TAS2R43: variants seen among roughly 807,000 people sequenced by gnomAD.
The protein encoded by TAS2R43 is taste 2 receptor member 43, also known as taste receptor type 2 member 43.
For synonymous variants in TAS2R43, 76 were observed against 117.4 expected, an observed-to-expected ratio of 0.65 and a Z score of 2.28; for missense variants, 246 against 348.2, an observed-to-expected ratio of 0.71 and a Z score of 2.34.
chr12:11,092,034 A>T lies in TAS2R43; in HGVS notation c.196T>A (p.Trp66Arg), dbSNP rs760586402. The change falls in exon 1 of 1, where the codon TGG (tryptophan) becomes AGG (arginine). Residue 66 changes from tryptophan (W) to arginine (R), a missense_variant. Coordinates refer to ENST00000531678, the MANE Select transcript of TAS2R43 (RefSeq NM_176884.2). The stretch of plus-strand genomic sequence containing the variant: ...GCTGGATTCAACACAGTTGAATACC[A>T]GTTTAATAATAATACCCAGAGCAAA... ...VGLLWVLLLN[W>R]YSTVLNPAFN... 8.7e-6 allele frequency: 13 copies of T among 1,487,998 alleles called. No homozygotes were observed. In the East Asian group the frequency reaches 1.4e-4, roughly 16 times the overall value. 92.2% of individuals were successfully genotyped at this position (1,487,998 alleles called of 1,614,324 possible).
At position 11,091,871 on chromosome 12, in the gene TAS2R43, T is replaced by C. The variant is rs201460452; in HGVS notation, c.359A>G (p.His120Arg). Residue 120 changes from histidine to arginine, a missense_variant, in exon 1 of 1, where the codon CAC becomes CGC. Coordinates refer to ENST00000531678, the MANE Select transcript of TAS2R43 (RefSeq NM_176884.2). ...GACACTCTTAACTCTCCTCTTTAAG[T>C]GAAGAAAAATAAAGTTGGAGAAATT... Reference protein sequence around the residue: ...IANFSNFIFLHLKRRVKSVIL... With the variant: ...IANFSNFIFLRLKRRVKSVIL... The C allele has an allele frequency of 0.17, 145,821 of 871,244 alleles. 47,294 individuals are homozygous for C. The highest frequency in any genetic ancestry group is 0.24 in the Admixed American group (7,571 of 31,016). The allele number at this position is 871,244 out of a possible 1,614,324, so 54.0% of individuals were successfully genotyped here.
At position 11,091,869 on chromosome 12, in the gene TAS2R43, A is replaced by G. The variant is rs1407340110; in HGVS notation, c.361T>C (p.Leu121=). The G allele has an allele frequency of 2.3e-6, 3 of 1,329,014 alleles. No homozygotes were observed. The East Asian group carries it at 6.8e-5, about 30-fold the overall frequency. 82.3% of individuals were successfully genotyped at this position (1,329,014 alleles called of 1,614,324 possible). Reference sequence around the variant, plus strand: ...ATGACACTCTTAACTCTCCTCTTTAAGTGAAGAAAAATAAAGTTGGAGAAA... The same window carrying G: ...ATGACACTCTTAACTCTCCTCTTTAGGTGAAGAAAAATAAAGTTGGAGAAA... ...ANFSNFIFLH[L]KRRVKSVILV... Residue 121 remains leucine (L), a synonymous_variant, in exon 1 of 1, where the codon TTA becomes CTA. Transcript: ENST00000531678.
At position 11,091,447 on chromosome 12, in the gene TAS2R43, G is replaced by A. The variant is rs534009796; in HGVS notation, c.783C>T (p.Phe261=). ...TGAATCTAATAGCTTTGCAGAACAT[G>A]AAGACAGGTTTGTTTTCCAGACTTC... is the stretch of plus-strand genomic sequence containing the variant. ...SFGSLENKPV[F]MFCKAIRFSY... The change falls in exon 1 of 1, where the codon TTC becomes TTT. Residue 261 remains phenylalanine, a synonymous_variant. Coordinates refer to ENST00000531678, the MANE Select transcript of TAS2R43 (RefSeq NM_176884.2). 2.4e-6 allele frequency: 3 copies of A among 1,261,716 alleles called. No homozygotes were observed. Among genetic ancestry groups the A allele is most frequent in the Non-Finnish European group, 3.4e-6 (3 of 888,322 alleles). 78.2% of individuals were successfully genotyped at this position (1,261,716 alleles called of 1,614,324 possible). A position where few individuals can be genotyped will look rare whatever the true frequency, so the allele number is the denominator to read the frequency against.
In TAS2R43 at chr12:11,092,211, T is replaced by A. The variant is rs1228874934; in HGVS notation, c.19A>T (p.Ile7Phe). 6 of 1,298,756 alleles carry A rather than the reference T, an allele frequency of 4.6e-6. No homozygotes were observed. In the East Asian group the frequency reaches 1.4e-4, roughly 30 times the overall value. The allele number at this position is 1,298,756 out of a possible 1,614,324, so 80.5% of individuals were successfully genotyped here. A position where few individuals can be genotyped will look rare whatever the true frequency, so the allele number is the denominator to read the frequency against. Reference protein sequence around the residue: MITFLPIIFSSLVVVTF... With the variant: MITFLPFIFSSLVVVTF... ...ACCACTACCAGACTGGAAAAAATGA[T>A]GGGTAGAAAAGTTATCATGTCTGAA... Residue 7 changes from isoleucine (I) to phenylalanine (F), a missense_variant, in exon 1 of 1, where the codon ATC (isoleucine) becomes TTC (phenylalanine). Ile to Phe is a conservative substitution (Grantham distance 21). Coordinates refer to ENST00000531678, the MANE Select transcript of TAS2R43 (RefSeq NM_176884.2).
At position 11,092,031 on chromosome 12, in the gene TAS2R43, A is replaced by G; in HGVS notation, c.199T>C (p.Tyr67His). The change falls in exon 1 of 1, where the codon TAT (tyrosine) becomes CAT (histidine). Residue 67 changes from tyrosine to histidine, a missense_variant. Physicochemically the swap from Tyr to His is moderately conservative, Grantham distance 83. Coordinates refer to ENST00000531678, the MANE Select transcript of TAS2R43 (RefSeq NM_176884.2). Reference protein sequence around the residue: ...GLLWVLLLNWYSTVLNPAFNS... With the variant: ...GLLWVLLLNWHSTVLNPAFNS... ...AAAGCTGGATTCAACACAGTTGAAT[A>G]CCAGTTTAATAATAATACCCAGAGC... 1 of 1,487,268 alleles carries G rather than the reference A, an allele frequency of 6.7e-7. No homozygotes were observed. Among genetic ancestry groups the G allele is most frequent in the Non-Finnish European group, 9.3e-7 (1 of 1,080,934 alleles). 92.1% of individuals were successfully genotyped at this position (1,487,268 alleles called of 1,614,324 possible). A position where few individuals can be genotyped will look rare whatever the true frequency, so the allele number is the denominator to read the frequency against.
rs200508900 is a variant in TAS2R43 at position 11,091,294 on chromosome 12, G to A, written c.*6C>T. 7.2e-6 allele frequency: 7 copies of A among 977,138 alleles called. 2 individuals are homozygous for A. Among genetic ancestry groups the A allele is most frequent in the African/African-American group, 3.8e-5 (2 of 53,284 alleles). 60.5% of individuals were successfully genotyped at this position (977,138 alleles called of 1,614,324 possible). On this transcript the variant is annotated 3_prime_UTR_variant, in exon 1 of 1. Coordinates refer to ENST00000531678, the MANE Select transcript of TAS2R43 (RefSeq NM_176884.2). ...CTAGAAGATACACAATGCCCCTCTCGTGAATCTATGGAGATGAAGTCTTCT... is the reference window on the plus strand; with the variant it reads ...CTAGAAGATACACAATGCCCCTCTCATGAATCTATGGAGATGAAGTCTTCT...
In TAS2R43 at chr12:11,091,492, C is replaced by T. The variant is rs199768488; in HGVS notation, c.738G>A (p.Met246Ile). The change falls in exon 1 of 1, where the codon ATG becomes ATA. Residue 246 changes from methionine to isoleucine, a missense_variant. By Grantham distance (10) the Met-to-Ile change is conservative (BLOSUM62 1). Transcript: ENST00000531678. Reference protein sequence around the residue: ...LLCAIYFLSIMISVWSFGSLE... With the variant: ...LLCAIYFLSIIISVWSFGSLE... ...GACTTCCAAAACTCCAAACTGATAT[C>T]ATTATGGACAGAAAGTAAATGGCAC... 206,982 of 911,158 alleles carry T rather than the reference C, an allele frequency of 0.23. 62,292 individuals carry two copies. Among genetic ancestry groups the T allele is most frequent in the Admixed American group, 0.32 (11,380 of 35,520 alleles). The allele number at this position is 911,158 out of a possible 1,614,324, so 56.4% of individuals were successfully genotyped here. A position where few individuals can be genotyped will look rare whatever the true frequency, so the allele number is the denominator to read the frequency against.
Position 11,092,172 on chromosome 12 carries a change from C to T in TAS2R43, c.58G>A (p.Gly20Arg), listed in dbSNP as rs1178962398. Residue 20 changes from glycine to arginine, a missense_variant, in exon 1 of 1, where the codon GGA (glycine) becomes AGA (arginine). Physicochemically the swap from Gly to Arg is moderately radical, Grantham distance 125. Coordinates refer to ENST00000531678, the MANE Select transcript of TAS2R43 (RefSeq NM_176884.2). The stretch of plus-strand genomic sequence containing the variant: ...GCTATGAAGCCATTAGCAAAATTTC[C>T]AATAACAAATGTAACCACTACCAGA... The part of the protein sequence containing the change: ...SSLVVVTFVI[G>R]NFANGFIALV... The T allele has an allele frequency of 2.2e-6, 3 of 1,356,300 alleles. No homozygotes were observed. Among genetic ancestry groups the T allele is most frequent in the South Asian group, 2.3e-5 (2 of 88,232 alleles). 84.0% of individuals were successfully genotyped at this position (1,356,300 alleles called of 1,614,324 possible). A position where few individuals can be genotyped will look rare whatever the true frequency, so the allele number is the denominator to read the frequency against.
At position 11,092,022 on chromosome 12, in the gene TAS2R43, C is replaced by G. The variant is rs202243775; in HGVS notation, c.208G>C (p.Val70Leu). The G allele has an allele frequency of 5.3e-5, 79 of 1,483,660 alleles. 1 individual carries two copies. The highest frequency in any genetic ancestry group is 6.8e-5 in the Non-Finnish European group (73 of 1,078,796). The allele number at this position is 1,483,660 out of a possible 1,614,324, so 91.9% of individuals were successfully genotyped here. Residue 70 changes from valine (V) to leucine (L), a missense_variant, in exon 1 of 1, where the codon GTG (valine) becomes CTG (leucine). Transcript: ENST00000531678. ...WVLLLNWYSTVLNPAFNSVEV... is the reference protein window; with the variant it reads ...WVLLLNWYSTLLNPAFNSVEV... ...ACACTATTAAAAGCTGGATTCAACA[C>G]AGTTGAATACCAGTTTAATAATAAT...
Position 11,091,779 on chromosome 12 carries a change from C to G in TAS2R43, c.451G>C (p.Glu151Gln), listed in dbSNP as rs201455884. The change falls in exon 1 of 1, where the codon GAG becomes CAG. Residue 151 changes from glutamate to glutamine, a missense_variant. Glu to Gln is a conservative substitution (Grantham distance 29, BLOSUM62 2). Coordinates refer to ENST00000531678, the MANE Select transcript of TAS2R43 (RefSeq NM_176884.2). ...TCAAATTCTTTTGTCCGCACAATCT[C>G]ATTCATGTTTATCACAAAAAGATGA... Reference protein sequence around the residue: ...ACHLFVINMNEIVRTKEFEGN... With the variant: ...ACHLFVINMNQIVRTKEFEGN... The G allele has an allele frequency of 0.34, 256,858 of 764,922 alleles. 77,988 individuals carry two copies. Among genetic ancestry groups the G allele is most frequent in the Admixed American group, 0.45 (13,471 of 30,018 alleles). 47.4% of individuals were successfully genotyped at this position (764,922 alleles called of 1,614,324 possible).
Position 11,091,556 on chromosome 12 carries a change from A to T in TAS2R43, c.674T>A (p.Ile225Lys). 7.0e-7 allele frequency: 1 copy of T among 1,435,984 alleles called. No individual in the cohort carries two copies. Among genetic ancestry groups the T allele is most frequent in the Non-Finnish European group, 9.7e-7 (1 of 1,028,424 alleles). 89.0% of individuals were successfully genotyped at this position (1,435,984 alleles called of 1,614,324 possible). The change falls in exon 1 of 1, where the codon ATA becomes AAA. Residue 225 changes from isoleucine to lysine, a missense_variant. By Grantham distance (102) the Ile-to-Lys change is moderately radical (BLOSUM62 -3). Coordinates refer to ENST00000531678, the MANE Select transcript of TAS2R43 (RefSeq NM_176884.2). ...GSQDPSTKVH[I>K]KALQTVISFL... Reference sequence around the variant, plus strand: ...GGAGATCACAGTTTGCAAAGCTTTTATGTGGACCTTGGTGCTGGGATCTTG... The same window carrying T: ...GGAGATCACAGTTTGCAAAGCTTTTTTGTGGACCTTGGTGCTGGGATCTTG...
In TAS2R43 at chr12:11,092,109, T is replaced by C. The variant is rs1944934082; in HGVS notation, c.121A>G (p.Ile41Val). The C allele has an allele frequency of 6.5e-7, 1 of 1,534,612 alleles. No homozygotes were observed. Among genetic ancestry groups the C allele is most frequent in the Non-Finnish European group, 9.0e-7 (1 of 1,116,600 alleles). Residue 41 changes from isoleucine (I) to valine (V), a missense_variant, in exon 1 of 1, where the codon ATC (isoleucine) becomes GTC (valine). Physicochemically the swap from Ile to Val is conservative, Grantham distance 29 (BLOSUM62 3). Transcript: ENST00000531678. The part of the protein sequence containing the change: ...NSIEWFKRQK[I>V]SFADQILTAL... The stretch of plus-strand genomic sequence containing the variant: ...GTGAGAATTTGGTCAGCAAAGGAGA[T>C]CTTTTGTCTCTTGAACCACTCAATG...
chr12:11,091,759 T>A lies in TAS2R43; in HGVS notation c.471A>T (p.Glu157Asp), dbSNP rs1180825267. 3.2e-5 allele frequency: 43 copies of A among 1,343,772 alleles called. No individual in the cohort carries two copies. Among genetic ancestry groups the A allele is most frequent in the Non-Finnish European group, 4.4e-5 (42 of 944,628 alleles). 83.2% of individuals were successfully genotyped at this position (1,343,772 alleles called of 1,614,324 possible). A position where few individuals can be genotyped will look rare whatever the true frequency, so the allele number is the denominator to read the frequency against. Residue 157 changes from glutamate to aspartate, a missense_variant, in exon 1 of 1, where the codon GAA (glutamate) becomes GAT (aspartate). Physicochemically the swap from Glu to Asp is conservative, Grantham distance 45 (BLOSUM62 2). Transcript: ENST00000531678. ...TCTTCCAAGTCATGTTTCCTTCAAA[T>A]TCTTTTGTCCGCACAATCTCATTCA... Reference protein sequence around the residue: ...INMNEIVRTKEFEGNMTWKIK... With the variant: ...INMNEIVRTKDFEGNMTWKIK...
In TAS2R43 at chr12:11,091,900, A is replaced by C. The variant is rs371095380; in HGVS notation, c.330T>G (p.Ile110Met). The stretch of plus-strand genomic sequence containing the variant: ...GAAAAATAAAGTTGGAGAAATTGGC[A>C]ATCTTGAGCAAATAAAATATGCTGA... ...TTLSIFYLLKIANFSNFIFLH... is the reference protein window; with the variant it reads ...TTLSIFYLLKMANFSNFIFLH... The change falls in exon 1 of 1, where the codon ATT becomes ATG. Residue 110 changes from isoleucine (I) to methionine (M), a missense_variant. Coordinates refer to ENST00000531678, the MANE Select transcript of TAS2R43 (RefSeq NM_176884.2). 7.9e-6 allele frequency: 10 copies of C among 1,267,132 alleles called. 3 individuals carry two copies. The African/African-American group carries it at 1.2e-4, about 16-fold the overall frequency. 78.5% of individuals were successfully genotyped at this position (1,267,132 alleles called of 1,614,324 possible). A position where few individuals can be genotyped will look rare whatever the true frequency, so the allele number is the denominator to read the frequency against.
In TAS2R43 at chr12:11,091,962, C is replaced by T. The variant is rs773307005; in HGVS notation, c.268G>A (p.Val90Met). 8.8e-6 allele frequency: 11 copies of T among 1,245,086 alleles called. 2 individuals carry two copies. In the Middle Eastern group the frequency reaches 5.4e-4, roughly 61 times the overall value. 77.1% of individuals were successfully genotyped at this position (1,245,086 alleles called of 1,614,324 possible). ...AGCCAGTTGCTGAAATGGTTGATCA[C>T]TGCCCAGATATTATAAGCAGTAGTT... ...VRTTAYNIWA[V>M]INHFSNWLAT... The change falls in exon 1 of 1, where the codon GTG (valine) becomes ATG (methionine). Residue 90 changes from valine (V) to methionine (M), a missense_variant. Transcript: ENST00000531678.
rs142963148 is a variant in TAS2R43, at chr12:11,092,236, A to G, written c.-7T>C. 3.1e-6 allele frequency: 4 copies of G among 1,271,628 alleles called. 1 individual carries two copies. Among genetic ancestry groups the G allele is most frequent in the Middle Eastern group, 1.8e-4 (1 of 5,618 alleles). The allele number at this position is 1,271,628 out of a possible 1,614,324, so 78.8% of individuals were successfully genotyped here. A position where few individuals can be genotyped will look rare whatever the true frequency, so the allele number is the denominator to read the frequency against. ...TGGGTAGAAAAGTTATCATGTCTGA[A>G]CAGACAAAAAAAATTTTTTTAAATG... On this transcript the variant is annotated 5_prime_UTR_variant, in exon 1 of 1. Coordinates refer to ENST00000531678, the MANE Select transcript of TAS2R43 (RefSeq NM_176884.2).
At position 11,091,921 on chromosome 12, in the gene TAS2R43, G is replaced by A. The variant is rs1262558631; in HGVS notation, c.309C>T (p.Ser103=). The change falls in exon 1 of 1, where the codon AGC becomes AGT. Residue 103 remains serine, a synonymous_variant. Coordinates refer to ENST00000531678, the MANE Select transcript of TAS2R43 (RefSeq NM_176884.2). ...TGGCAATCTTGAGCAAATAAAATAT[G>A]CTGAGGGTAGTAGCAAGCCAGTTGC... The part of the protein sequence containing the change: ...HFSNWLATTL[S]IFYLLKIANF... 2 of 1,232,298 alleles carry A rather than the reference G, an allele frequency of 1.6e-6. No individual in the cohort carries two copies. The highest frequency in any genetic ancestry group is 1.6e-5 in the African/African-American group (1 of 64,322). The allele number at this position is 1,232,298 out of a possible 1,614,324, so 76.3% of individuals were successfully genotyped here. A position where few individuals can be genotyped will look rare whatever the true frequency, so the allele number is the denominator to read the frequency against.
chr12:11,092,264 GGTGTT>G lies in TAS2R43; in HGVS notation c.-40_-36del. The stretch of plus-strand genomic sequence containing the variant: ...GACAAAAAAAATTTTTTTAAATGCT[GGTGTT>G]GTGTCCGGAATTGGTTCCTGCAGGT... On this transcript the variant is annotated 5_prime_UTR_variant, in exon 1 of 1. Coordinates refer to ENST00000531678, the MANE Select transcript of TAS2R43 (RefSeq NM_176884.2). 1 of 1,220,042 alleles carries G rather than the reference GGTGTT, an allele frequency of 8.2e-7. No individual in the cohort carries two copies. Among genetic ancestry groups the G allele is most frequent in the Non-Finnish European group, 1.2e-6 (1 of 858,134 alleles). The allele number at this position is 1,220,042 out of a possible 1,614,324, so 75.6% of individuals were successfully genotyped here. A position where few individuals can be genotyped will look rare whatever the true frequency, so the allele number is the denominator to read the frequency against.
chr12:11,092,023 A>G lies in TAS2R43; in HGVS notation c.207T>C (p.Thr69=), dbSNP rs1360866716. 1 of 1,484,596 alleles carries G rather than the reference A, an allele frequency of 6.7e-7. No homozygotes were observed. The highest frequency in any genetic ancestry group is 9.3e-7 in the Non-Finnish European group (1 of 1,079,326). 92.0% of individuals were successfully genotyped at this position (1,484,596 alleles called of 1,614,324 possible). Residue 69 remains threonine, a synonymous_variant, in exon 1 of 1, where the codon ACT becomes ACC. Transcript: ENST00000531678. The part of the protein sequence containing the change: ...LWVLLLNWYS[T]VLNPAFNSVE... ...CACTATTAAAAGCTGGATTCAACAC[A>G]GTTGAATACCAGTTTAATAATAATA...
Sources: gnomAD v4.1 joint callset for allele counts on GRCh38, gnomAD v4.1.1 for gene constraint, MANE v1.5 for transcripts, NCBI Gene and HGNC (gene_info 2026-07-23, HGNC 2026-07-21) for gene names.